DNAH2: variants seen among roughly 807,000 people sequenced by gnomAD.
The protein encoded by DNAH2 is dynein axonemal heavy chain 2, also known as axonemal beta dynein heavy chain 2.
DNAH2 carries 323 observed loss-of-function variants against 523.5 expected under a neutral mutation model. The ratio of observed to expected loss-of-function variants is 0.62; its 90% CI spans 0.56 to 0.68. DNAH2 has a LOEUF of 0.68. DNAH2 is among the 30% of genes least tolerant of loss of function. The pLI is 0.00. For missense variants in DNAH2, 4,907 were observed against 5,701.5 expected (o/e 0.86, Z 4.49); for synonymous variants, 2,093 against 2,177.4 (o/e 0.96, Z 1.08).
chr17:7,830,518 C>T lies in DNAH2; in HGVS notation c.12045+27C>T, dbSNP rs772274059. On this transcript the variant is annotated intron_variant, in intron 78 of 85. Coordinates refer to ENST00000572933, the MANE Select transcript of DNAH2 (RefSeq NM_020877.5). ...TTTGCATTAGCCAGGGGTCCTCATC[C>T]CAGCCCTCTCTCCTTACACGTCCTA... 2.5e-6 allele frequency: 4 copies of T among 1,611,414 alleles called. No homozygotes were observed. The Admixed American group carries it at 6.7e-5, about 27-fold the overall frequency.
intron 61 of DNAH2, among the ~76,000 whole-genome samples, chr17:7,805,689 A>C (rs2077349527): frequency 1.3e-5 from 2 of 151,734 alleles, no homozygotes; most frequent in Admixed American, 6.6e-5. Flanking sequence ...CATCTCTACA[A>C]AAAAAAATGC....
chr17:7,764,051 A>G lies in DNAH2; in HGVS notation c.3179+20A>G. ...AGAGAAGTGCGGGCTGGGGCGCCCC[A>G]CAGGAAGGGGGCAGGGGCAGGCACT... On this transcript the variant is annotated intron_variant, in intron 19 of 85. Coordinates refer to ENST00000572933, the MANE Select transcript of DNAH2 (RefSeq NM_020877.5). 1 of 1,614,146 alleles carries G rather than the reference A, an allele frequency of 6.2e-7. No individual in the cohort carries two copies. The highest frequency in any genetic ancestry group is 1.7e-4 in the Middle Eastern group (1 of 6,060).
chr17:7,801,727 C>G lies in DNAH2; in HGVS notation c.8832+17C>G, dbSNP rs1275317088. ...CAGGAGAATGTGAGCCCCTCCTCCC[C>G]ACCTCTCATTGCATCCCTGGCCTCC... On this transcript the variant is annotated intron_variant, in intron 57 of 85. Transcript: ENST00000572933. The G allele has an allele frequency of 1.9e-6, 3 of 1,613,722 alleles. No homozygotes were observed. Among genetic ancestry groups the G allele is most frequent in the Non-Finnish European group, 1.7e-6 (2 of 1,179,906 alleles).
At chr17:7,775,985 C>T (rs748331324) in intron 30 of DNAH2, 39 bp from the exon 31 acceptor site, 3 of 1,610,380 alleles carry the variant, frequency 1.9e-6, no homozygotes, top group South Asian at 2.2e-5. Context: ...GGCCGTGCCC[C>T]CTCAGGCTGA....
intron 21 of DNAH2, 42 bp downstream of exon 21, chr17:7,765,607 T>C: frequency 6.3e-7 from 1 of 1,577,240 alleles, no homozygotes; most frequent in South Asian, 1.2e-5. Flanking sequence ...AGCCTTTGTT[T>C]AGAGACCCCG....
At position 7,736,457 on chromosome 17, in the gene DNAH2, C is replaced by T. The variant is rs569887699; in HGVS notation, c.979-610C>T. Among the ~76,000 whole-genome samples, 139 of 152,242 alleles carry T rather than the reference C, an allele frequency of 9.1e-4. 4 individuals carry two copies. The highest frequency in any genetic ancestry group is 6.2e-4 in the South Asian group (3 of 4,828). ...ACAGCAACAGAGTATCCACTTAGTG[C>T]GGAGTCCTGAATTCAACTGGAGAAA... On this transcript the variant is annotated intron_variant, in intron 7 of 85. Transcript: ENST00000572933.
Position 7,734,172 on chromosome 17 carries a change from C to G in DNAH2, c.629-11C>G. On this transcript the variant is annotated splice_polypyrimidine_tract_variant and intron_variant, in intron 5 of 85. Transcript: ENST00000572933. ...CCCTCTGTCCACTTCCACAAACTTTCCTTTCCTTAGACACTCGGTACAAAC... is the reference window on the plus strand; with the variant it reads ...CCCTCTGTCCACTTCCACAAACTTTGCTTTCCTTAGACACTCGGTACAAAC... The G allele has an allele frequency of 1.3e-6, 2 of 1,575,194 alleles. No individual in the cohort carries two copies. The highest frequency in any genetic ancestry group is 1.3e-5 in the African/African-American group (1 of 74,302).
At chr17:7,804,596 A>G (rs1004155576) in intron 59 of DNAH2, 130 bp downstream of exon 59, 2 of 1,097,568 alleles carry the variant, frequency 1.8e-6, no homozygotes, top group Non-Finnish European at 2.6e-6. Flanking sequence ...CTGTAATCCC[A>G]GCACTTTGGG....
At chr17:7,748,227 C>T (rs1282707439) in intron 12 of DNAH2, among the ~76,000 whole-genome samples, 2 of 152,218 alleles carry the variant, frequency 1.3e-5, no homozygotes, top group Non-Finnish European at 1.5e-5. Context: ...GTCATCCACA[C>T]CCTGGCTGAA....
At position 7,818,016 on chromosome 17, in the gene DNAH2, A is replaced by G; in HGVS notation, c.10307A>G (p.Tyr3436Cys). The change falls in exon 68 of 86, where the codon TAC becomes TGC. Residue 3436 changes from tyrosine (Y) to cysteine (C), a missense_variant. Around this residue, in one of 3 missense-constraint regions of DNAH2, gnomAD observed 1,851 missense variants for 2,139.4 expected, o/e 0.87. Coordinates refer to ENST00000572933, the MANE Select transcript of DNAH2 (RefSeq NM_020877.5). ...RILEHAIHFGYPVLLQNVQEY... is the reference protein window; with the variant it reads ...RILEHAIHFGCPVLLQNVQEY... The stretch of plus-strand genomic sequence containing the variant: ...CTAGAACACGCCATTCACTTTGGAT[A>G]CCCGGTGCTACTTCAGAACGTGCAG... The G allele has an allele frequency of 6.2e-7, 1 of 1,614,056 alleles. No homozygotes were observed. The highest frequency in any genetic ancestry group is 8.5e-7 in the Non-Finnish European group (1 of 1,179,990).
chr17:7,828,064 G>A lies in DNAH2; in HGVS notation c.11854-2236G>A, dbSNP rs1362951540. On this transcript the variant is annotated intron_variant, in intron 77 of 85. Transcript: ENST00000572933. The surrounding 1 kb of genome is among the most constrained non-coding windows in gnomAD (Gnocchi z 4.1). ...ATCTTTCCACCTGCACCTCACAGGT[G>A]TGTGCCACCACTCTGGCTAATTTTT... Among the ~76,000 whole-genome samples, 2 of 151,872 alleles carry A rather than the reference G, an allele frequency of 1.3e-5. No individual in the cohort carries two copies. Among genetic ancestry groups the A allele is most frequent in the African/African-American group, 4.8e-5 (2 of 41,244 alleles).
In DNAH2 at chr17:7,817,381, G is replaced by A. The variant is rs1257866556; in HGVS notation, c.9986G>A (p.Arg3329Gln). ...SYMGPFLTNY[R>Q]DEIVNQIWIG... ...ATGGGACCCTTCCTGACCAACTACCGGGATGAGATTGTCAACCAAATCTGG... is the reference window on the plus strand; with the variant it reads ...ATGGGACCCTTCCTGACCAACTACCAGGATGAGATTGTCAACCAAATCTGG... Residue 3329 changes from arginine (R) to glutamine (Q), a missense_variant, in exon 65 of 86, where the codon CGG becomes CAG. Coordinates refer to ENST00000572933, the MANE Select transcript of DNAH2 (RefSeq NM_020877.5). 3.1e-6 allele frequency: 5 copies of A among 1,613,696 alleles called. No homozygotes were observed. The highest frequency in any genetic ancestry group is 2.2e-5 in the South Asian group (2 of 91,026).
rs200765002 is a variant in DNAH2, at chr17:7,786,138, T to C, written c.6144T>C (p.Val2048=). Residue 2048 remains valine (V), a synonymous_variant, in exon 40 of 86, where the codon GTT becomes GTC. Transcript: ENST00000572933. The surrounding 1 kb of genome is among the most constrained non-coding windows in gnomAD (Gnocchi z 7.5). ...CCTTCCCTCAGCTGCGGGAGACCGT[T>C]GAGCAGGAGATTCGAGACATGGGCC... ...VIDYGKLRET[V]EQEIRDMGLQ... 3.7e-6 allele frequency: 6 copies of C among 1,613,768 alleles called. No homozygotes were observed. The highest frequency in any genetic ancestry group is 5.1e-6 in the Non-Finnish European group (6 of 1,179,982).
At chr17:7,742,883 G>GGATCATTAAAAA in intron 11 of DNAH2, 45 bp from the exon 12 acceptor site, 1 of 1,323,124 alleles carries the variant, frequency 7.6e-7, no homozygotes, top group Non-Finnish European at 9.8e-7. Flanking sequence ...GCCCCTGGAG[G>GGATCATTAAAAA]AAGGTGGCAG....
In DNAH2 at chr17:7,798,386, CAA is replaced by C. The variant is rs1189378491; in HGVS notation, c.8398+63_8398+64del. 7 of 1,557,696 alleles carry C rather than the reference CAA, an allele frequency of 4.5e-6. No homozygotes were observed. The highest frequency in any genetic ancestry group is 1.8e-5 in the Admixed American group (1 of 56,190). On this transcript the variant is annotated intron_variant, in intron 54 of 85. Coordinates refer to ENST00000572933, the MANE Select transcript of DNAH2 (RefSeq NM_020877.5). This position sits in a 1 kb window ranked among gnomAD's most constrained non-coding sequence, Gnocchi z 5.5. The stretch of plus-strand genomic sequence containing the variant: ...TCAGATGCATACATTCCTGCAGTGA[CAA>C]GAGAGGAGAGATGGCAGCCAGATGG...
intron 39 of DNAH2, among the ~76,000 whole-genome samples, chr17:7,782,175 A>T (rs2076619943): frequency 6.6e-6 from 1 of 152,162 alleles, no homozygotes; most frequent in Non-Finnish European, 1.5e-5. Context: ...CCAAGTCTGA[A>T]GATATAACAG....
chr17:7,728,757 G>C (rs563601261), intron 4 of DNAH2, among the ~76,000 whole-genome samples: 29 of 152,128 alleles, frequency 1.9e-4, no homozygotes, highest in Non-Finnish European at 3.7e-4. Context: ...GGCCGAGGCA[G>C]GCTGATCGCT....
intron 29 of DNAH2, 75 bp downstream of exon 29, chr17:7,775,051 A>G (rs1597616179): frequency 6.9e-7 from 1 of 1,457,462 alleles, no homozygotes; most frequent in East Asian, 2.3e-5. Context: ...TTTGGAGGGG[A>G]CCCTGCCCTC....
intron 4 of DNAH2, among the ~76,000 whole-genome samples, chr17:7,730,813 T>A (rs530003321): frequency 1.4e-5 from 2 of 146,890 alleles, no homozygotes; most frequent in Admixed American, 6.8e-5. Flanking sequence ...AAAAAAAAAA[T>A]TTAAAATTTA....
Sources: allele counts gnomAD v4.1 joint callset (sites outside exome capture counted in the v4.1 genomes callset), GRCh38; gene constraint gnomAD v4.1.1; regional missense constraint gnomAD v4.1.1; non-coding constraint Gnocchi (gnomAD v3.1); transcripts MANE v1.5; gene names NCBI Gene and HGNC (gene_info 2026-07-23, HGNC 2026-07-21).